FBXL17: variants seen among roughly 807,000 people sequenced by gnomAD.
FBXL17 encodes F-box/LRR-repeat protein 17.
A neutral mutation model predicts 66.2 loss-of-function variants in FBXL17; 22 were observed. The ratio of observed to expected loss-of-function variants is 0.33; its 90% CI spans 0.24 to 0.47. The LOEUF is 0.47. FBXL17 is among the 20% of genes least tolerant of loss of function. FBXL17 has a pLI of 1.00. For synonymous variants in FBXL17, 474 were observed against 400.5 expected, an observed-to-expected ratio of 1.18 and a Z score of -2.19; for missense variants, 878 against 948.2, an observed-to-expected ratio of 0.93 and a Z score of 0.97.
intron 7 of FBXL17, among the ~76,000 whole-genome samples, chr5:107,916,763 C>T (rs1750146868): frequency 6.6e-6 from 1 of 152,134 alleles, no homozygotes; most frequent in Admixed American, 6.6e-5. Flanking sequence ...TTACTTCTTC[C>T]CTTTATCTTG....
chr5:108,347,228 T>G (rs1213768439), intron 4 of FBXL17, among the ~76,000 whole-genome samples: 3 of 152,194 alleles, frequency 2.0e-5, no homozygotes, highest in Non-Finnish European at 4.4e-5. Flanking sequence ...GAACAGCATG[T>G]CACTGTAATG....
At chr5:108,181,109 G>A (rs1253213915) in intron 6 of FBXL17, among the ~76,000 whole-genome samples, 2 of 152,106 alleles carry the variant, frequency 1.3e-5, no homozygotes, top group Non-Finnish European at 2.9e-5. Flanking sequence ...GCTCAGACCA[G>A]TTTTTTACAC....
chr5:108,298,373 C>A (rs1218447834), intron 4 of FBXL17: 2 of 981,552 alleles, frequency 2.0e-6, no homozygotes, highest in African/African-American at 1.8e-5. Flanking sequence ...AAAGTTATTT[C>A]TTTCTACTCC....
intron 7 of FBXL17, among the ~76,000 whole-genome samples, chr5:107,928,530 T>A (rs1750615115): frequency 6.6e-6 from 1 of 152,044 alleles, no homozygotes; most frequent in Non-Finnish European, 1.5e-5. Flanking sequence ...TAATTGTACA[T>A]ACAGAAACTC....
intron 4 of FBXL17, among the ~76,000 whole-genome samples, chr5:108,288,087 AG>A (rs1757969542): frequency 6.6e-6 from 1 of 151,934 alleles, no homozygotes; most frequent in African/African-American, 2.4e-5. Flanking sequence ...CATTAAGAAG[AG>A]AACAGACACC....
intron 5 of FBXL17, among the ~76,000 whole-genome samples, chr5:108,191,178 T>C (rs1753455521): frequency 6.6e-6 from 1 of 152,194 alleles, no homozygotes; most frequent in South Asian, 2.1e-4. Flanking sequence ...AATTTATCCT[T>C]TACCATAGTT....
chr5:107,944,124 C>G (rs1751206248), intron 7 of FBXL17, among the ~76,000 whole-genome samples: 1 of 152,200 alleles, frequency 6.6e-6, no homozygotes, highest in South Asian at 2.1e-4. Context: ...TTCCTTGACT[C>G]CTCTCAACAG....
intron 7 of FBXL17, among the ~76,000 whole-genome samples, chr5:107,908,626 A>G (rs892526297): frequency 1.3e-5 from 2 of 152,174 alleles, no homozygotes; most frequent in African/African-American, 4.8e-5. Context: ...AGTAGTCAGA[A>G]TACTTAGGAG....
At chr5:108,007,733 T>C (rs967810028) in intron 7 of FBXL17, among the ~76,000 whole-genome samples, 1 of 152,154 alleles carries the variant, frequency 6.6e-6, no homozygotes, top group Admixed American at 6.5e-5. Flanking sequence ...TCTGAGAGCG[T>C]AGATTTCAAA....
intron 7 of FBXL17, among the ~76,000 whole-genome samples, chr5:107,925,557 A>G (rs1297088814): frequency 2.0e-5 from 3 of 152,206 alleles, no homozygotes; most frequent in Non-Finnish European, 4.4e-5. Context: ...TTATCTGCCC[A>G]AGAGCAGCCC....
chr5:108,016,483 G>C lies in FBXL17; in HGVS notation c.1822+4442C>G, dbSNP rs151100198. 1.0e-3 allele frequency among the ~76,000 whole-genome samples: 159 copies of C among 152,248 alleles called. 2 individuals carry two copies. The highest frequency in any genetic ancestry group is 3.6e-3 in the African/African-American group (150 of 41,536). On this transcript the variant is annotated intron_variant, in intron 7 of 8. Transcript: ENST00000542267. ...TAGAGTGTATTTCTAGGGCCCACAG[G>C]AGTGCTAAAGTGAAAAAAGAATGTG...
At chr5:108,050,322 C>T (rs1363274293) in intron 6 of FBXL17, among the ~76,000 whole-genome samples, 1 of 152,192 alleles carries the variant, frequency 6.6e-6, no homozygotes, top group Non-Finnish European at 1.5e-5. Context: ...AAGTAAAGCA[C>T]TCCTCAGCAA....
chr5:107,863,383 T>C, intron 8 of FBXL17, among the ~76,000 whole-genome samples: 1 of 151,300 alleles, frequency 6.6e-6, no homozygotes, highest in East Asian at 1.9e-4. Context: ...TCTTTACACA[T>C]CCCTGGAATA....
chr5:108,136,778 G>A (rs950034694), intron 6 of FBXL17, among the ~76,000 whole-genome samples: 1 of 152,118 alleles, frequency 6.6e-6, no homozygotes, highest in Non-Finnish European at 1.5e-5. Context: ...GTCTAAACTC[G>A]ACAGGAAACC....
chr5:108,009,447 A>G (rs149228115), intron 7 of FBXL17, among the ~76,000 whole-genome samples: 1,680 of 150,562 alleles, frequency 0.011, 18 homozygotes, highest in Admixed American at 0.017. Flanking sequence ...CTCTGCCCTC[A>G]CTCAGTCATT....
chr5:108,041,610 G>T (rs1156577005), intron 6 of FBXL17, among the ~76,000 whole-genome samples: 1 of 151,864 alleles, frequency 6.6e-6, no homozygotes, highest in African/African-American at 2.4e-5. Context: ...TGGAGACGAG[G>T]TCTCACTATG....
At chr5:108,278,930 T>G (rs1351344883) in intron 4 of FBXL17, among the ~76,000 whole-genome samples, 2 of 152,172 alleles carry the variant, frequency 1.3e-5, no homozygotes, top group Non-Finnish European at 2.9e-5. Flanking sequence ...TCCAGGGTCC[T>G]AAAGGTTACA....
intron 6 of FBXL17, among the ~76,000 whole-genome samples, chr5:108,066,066 T>A (rs1748105966): frequency 6.6e-6 from 1 of 152,078 alleles, no homozygotes; most frequent in Admixed American, 6.6e-5. Flanking sequence ...TAAGAAATTC[T>A]CCAAAAGCTA....
At chr5:107,986,336 A>G (rs1753011011) in intron 7 of FBXL17, among the ~76,000 whole-genome samples, 1 of 151,912 alleles carries the variant, frequency 6.6e-6, no homozygotes, top group Non-Finnish European at 1.5e-5. Context: ...ATCACAAATG[A>G]TGCTAACCCT....
Sources: gnomAD v4.1 joint callset for allele counts (sites outside exome capture counted in the v4.1 genomes callset) on GRCh38, gnomAD v4.1.1 for gene constraint, MANE v1.5 for transcripts, NCBI Gene and HGNC (gene_info 2026-07-23, HGNC 2026-07-21) for gene names.